CD163L1: variants seen among roughly 807,000 people sequenced by gnomAD.
CD163L1 encodes the protein scavenger receptor cysteine-rich type 1 protein M160.
Under a neutral mutation model 165.4 loss-of-function variants are expected in CD163L1, and 124 were observed. The ratio of observed to expected loss-of-function variants is 0.75; its 90% CI spans 0.65 to 0.87. CD163L1 has a LOEUF of 0.87. Ranked by LOEUF, CD163L1 falls within the 40% of genes least tolerant of loss-of-function variation. The probability of loss-of-function intolerance (pLI) is 0.00; values close to 1 mark genes in which losing one functional copy is unlikely to be tolerated. For missense variants in CD163L1, 1,525 were observed against 1,799.9 expected (o/e 0.85, Z 2.76); for synonymous variants, 585 against 662.2 (o/e 0.88, Z 1.79).
intron 18 of CD163L1, among the ~76,000 whole-genome samples, chr12:7,365,140 G>A (rs1241741483): frequency 2.0e-5 from 3 of 151,990 alleles, no homozygotes; most frequent in African/African-American, 7.2e-5. Context: ...GCCACTCTCT[G>A]CAAATACACC....
chr12:7,405,536 T>C (rs1420902723), intron 5 of CD163L1, among the ~76,000 whole-genome samples: 1 of 152,174 alleles, frequency 6.6e-6, no homozygotes, highest in African/African-American at 2.4e-5. Context: ...AAAAGTCCTA[T>C]AAGGATGGCA....
intron 2 of CD163L1, chr12:7,440,046 C>A (rs1948799665): frequency 2.4e-6 from 3 of 1,243,230 alleles, no homozygotes; most frequent in Non-Finnish European, 3.5e-6. Flanking sequence ...CCCAGCAGCT[C>A]CTCGCGTTCC....
intron 18 of CD163L1, among the ~76,000 whole-genome samples, chr12:7,364,239 C>T (rs1372267192): frequency 6.6e-6 from 1 of 151,998 alleles, no homozygotes; most frequent in African/African-American, 2.4e-5. Flanking sequence ...AATTCAACAT[C>T]GTTTTATAAT....
At chr12:7,438,080 A>G (rs1251496349) in intron 2 of CD163L1, among the ~76,000 whole-genome samples, 1 of 152,124 alleles carries the variant, frequency 6.6e-6, no homozygotes, top group Non-Finnish European at 1.5e-5. Context: ...ACATTTATGT[A>G]GGGTTTTTCT....
chr12:7,406,701 TCCACATCC>T lies in CD163L1; in HGVS notation c.910_917del (p.Gly304AsnfsTer16), dbSNP rs1236260745. ...GCAAGCCAGCGAAGTGAAGTGCGGT[TCCACATCC>T]CAACTGCTTGCATACGACATCAGCT... On this transcript the variant is annotated frameshift_variant, in exon 5 of 20. Coordinates refer to ENST00000313599, the MANE Select transcript of CD163L1 (RefSeq NM_174941.6). LOFTEE classifies it high-confidence loss of function. 5 of 1,613,980 alleles carry T rather than the reference TCCACATCC, an allele frequency of 3.1e-6. No homozygotes were observed. The highest frequency in any genetic ancestry group is 4.2e-6 in the Non-Finnish European group (5 of 1,180,012).
intron 9 of CD163L1, among the ~76,000 whole-genome samples, chr12:7,377,154 G>T (rs756698532): frequency 6.6e-6 from 1 of 152,086 alleles, no homozygotes; most frequent in Non-Finnish European, 1.5e-5. Flanking sequence ...TTGCCCCAAG[G>T]CTTTTGAACT....
downstream of CD163L1, among the ~76,000 whole-genome samples, chr12:7,346,430 T>G (rs747952742): frequency 2.6e-4 from 40 of 152,310 alleles, no homozygotes; most frequent in Non-Finnish European, 4.6e-4. Flanking sequence ...TACTGCTTGT[T>G]TCTTAAGTCT....
chr12:7,348,307 C>A (rs1946684383), intron 4 of CD163L1, among the ~76,000 whole-genome samples: 1 of 152,192 alleles, frequency 6.6e-6, no homozygotes, highest in South Asian at 2.1e-4. Context: ...ATGATCATAA[C>A]TAGTTGTAAT....
rs762469875 is a variant in CD163L1 at position 7,414,458 on chromosome 12, C to T, written c.767-7606G>A. Reference sequence around the variant, plus strand: ...AAGGAGAAATAGTGAAGTCAGCCTACAAGACCTATATGACACTATCAAATT... The same window carrying T: ...AAGGAGAAATAGTGAAGTCAGCCTATAAGACCTATATGACACTATCAAATT... On this transcript the variant is annotated intron_variant, in intron 4 of 19. Coordinates refer to ENST00000313599, the MANE Select transcript of CD163L1 (RefSeq NM_174941.6). 7.2e-5 allele frequency among the ~76,000 whole-genome samples: 11 copies of T among 152,158 alleles called. No homozygotes were observed. In the East Asian group the frequency reaches 1.5e-3, roughly 21 times the overall value.
chr12:7,373,541 C>T lies in CD163L1; in HGVS notation c.3509G>A (p.Arg1170Lys), dbSNP rs971196157. The change falls in exon 14 of 20, where the codon AGG becomes AAG. Residue 1170 changes from arginine (R) to lysine (K), a missense_variant. Arg to Lys is a conservative substitution (Grantham distance 26, BLOSUM62 2). Transcript: ENST00000313599. ...YNGTWGSVGR[R>K]NITTAIAGIV... The stretch of plus-strand genomic sequence containing the variant: ...GCCTGCTATGGCTGTGGTGATGTTC[C>T]TCCTGCCGACGCTGCCCCAGGTCCC... The T allele has an allele frequency of 2.5e-6, 4 of 1,614,206 alleles. No individual in the cohort carries two copies. In the East Asian group the frequency reaches 6.7e-5, roughly 27 times the overall value.
chr12:7,352,605 G>T (rs768340939), downstream of CD163L1, among the ~76,000 whole-genome samples: 1 of 152,228 alleles, frequency 6.6e-6, no homozygotes, highest in Admixed American at 6.5e-5. Flanking sequence ...AGCTTTACTG[G>T]TTCAGTGTGT....
the CD163L1 span, among the ~76,000 whole-genome samples, chr12:7,330,953 C>G: frequency 2.6e-5 from 4 of 152,178 alleles, no homozygotes; most frequent in African/African-American, 9.7e-5. Flanking sequence ...ACAGTGGGTA[C>G]AGTGCACCGT....
intron 8 of CD163L1, among the ~76,000 whole-genome samples, chr12:7,392,405 T>C (rs1947676066): frequency 6.6e-6 from 1 of 151,962 alleles, no homozygotes; most frequent in Non-Finnish European, 1.5e-5. Flanking sequence ...TGCCAGAATC[T>C]CTGGGACACA....
chr12:7,375,030 A>T, intron 11 of CD163L1, 107 bp from the exon 12 acceptor site: 2 of 1,088,080 alleles, frequency 1.8e-6, no homozygotes, highest in Non-Finnish European at 2.8e-6. Context: ...AGGACTTTTC[A>T]AACCCTGTCG....
In CD163L1 at chr12:7,375,890, C is replaced by T. The variant is rs1470421469; in HGVS notation, c.2496G>A (p.Leu832=). The T allele has an allele frequency of 1.5e-5, 25 of 1,614,224 alleles. No individual in the cohort carries two copies. The South Asian group carries it at 2.5e-4, about 16-fold the overall frequency. The part of the protein sequence containing the change: ...SDFSLHAANV[L]CRELNCGDAI... ...CATCTCCACAGTTTAATTCTCTGCA[C>T]AGCACATTGGCAGCATGAAGAGAGA... Residue 832 remains leucine (L), a synonymous_variant, in exon 10 of 20, where the codon CTG becomes CTA. Coordinates refer to ENST00000313599, the MANE Select transcript of CD163L1 (RefSeq NM_174941.6).
downstream of CD163L1, among the ~76,000 whole-genome samples, chr12:7,351,190 T>C (rs1018106905): frequency 2.0e-5 from 3 of 152,002 alleles, no homozygotes; most frequent in Admixed American, 2.0e-4. Context: ...GATATATATA[T>C]AGATAATGCA....
At chr12:7,353,342 G>A (rs1001945187), downstream of CD163L1, among the ~76,000 whole-genome samples, 7 of 151,894 alleles carry the variant, frequency 4.6e-5, no homozygotes, top group African/African-American at 1.7e-4. Context: ...GAAGAATAGA[G>A]AAAGAGGTAG....
chr12:7,367,736 T>C (rs1947053324), intron 17 of CD163L1, among the ~76,000 whole-genome samples: 1 of 152,234 alleles, frequency 6.6e-6, no homozygotes, highest in African/African-American at 2.4e-5. Context: ...AGGAAACTCT[T>C]GTTCTTAATC....
chr12:7,369,530 C>T lies in CD163L1; in HGVS notation c.3866G>A (p.Cys1289Tyr). 1.2e-6 allele frequency: 2 copies of T among 1,614,206 alleles called. No individual in the cohort carries two copies. The highest frequency in any genetic ancestry group is 1.7e-6 in the Non-Finnish European group (2 of 1,180,040). Residue 1289 changes from cysteine (C) to tyrosine (Y), a missense_variant, in exon 15 of 20, where the codon TGT (cysteine) becomes TAT (tyrosine). Cys to Tyr is a radical substitution (Grantham distance 194). Transcript: ENST00000313599. This position sits in a 1 kb window ranked among gnomAD's most constrained non-coding sequence, Gnocchi z 4.9. The part of the protein sequence containing the change: ...EAEVVCQQLG[C>Y]GSALAALRDA... ...CCTCAGGGCAGCCAGAGCAGAGCCA[C>T]AGCCCAGCTGCTGACACACCACTTC...
Sources: allele counts gnomAD v4.1 joint callset (sites outside exome capture counted in the v4.1 genomes callset), GRCh38; gene constraint gnomAD v4.1.1; non-coding constraint Gnocchi (gnomAD v3.1); transcripts MANE v1.5; gene names NCBI Gene and HGNC (gene_info 2026-07-23, HGNC 2026-07-21).